Variants in ATP6V0D1 observed in about 807,000 individuals in gnomAD.
ATP6V0D1 encodes V-type proton ATPase subunit d 1.
In ATP6V0D1, 13 loss-of-function variants were observed where a neutral mutation model predicts 39.0. The ratio of observed to expected loss-of-function variants is 0.33; its 90% CI spans 0.22 to 0.53. ATP6V0D1 has a LOEUF of 0.53. ATP6V0D1 is among the 20% of genes least tolerant of loss of function. The pLI is 0.94. For synonymous variants in ATP6V0D1, 191 were observed against 191.2 expected (o/e 1.00, Z 0.01); for missense variants, 272 against 470.9 (o/e 0.58, Z 3.91).
intron 2 of ATP6V0D1, among the ~76,000 whole-genome samples, chr16:67,446,815 G>A (rs890783035): frequency 2.6e-5 from 4 of 152,062 alleles, no homozygotes; most frequent in East Asian, 1.9e-4. Flanking sequence ...CCTTTCGGAC[G>A]GGAAGAGGGA....
At position 67,442,114 on chromosome 16, in the gene ATP6V0D1, A is replaced by T. The variant is rs1035230824; in HGVS notation, c.561+985T>A. ...CTGCACGTGCTGGTCCCTTGCCGAC[A>T]CCACTGCAACCTCCAGGCAGGCCCT... On this transcript the variant is annotated intron_variant, in intron 4 of 7. Coordinates refer to ENST00000290949, the MANE Select transcript of ATP6V0D1 (RefSeq NM_004691.5). Among the ~76,000 whole-genome samples the T allele has an allele frequency of 3.3e-5, 5 of 152,248 alleles. No individual in the cohort carries two copies. In the East Asian group the frequency reaches 7.7e-4, roughly 23 times the overall value.
Position 67,438,652 on chromosome 16 carries a change from T to G in ATP6V0D1, c.932A>C (p.His311Pro), listed in dbSNP as rs1422451913. 6.2e-7 allele frequency: 1 copy of G among 1,614,082 alleles called. No homozygotes were observed. Among genetic ancestry groups the G allele is most frequent in the African/African-American group, 1.3e-5 (1 of 74,918 alleles). Residue 311 changes from histidine to proline, a missense_variant, in exon 8 of 8, where the codon CAC becomes CCC. Physicochemically the swap from His to Pro is moderately conservative, Grantham distance 77. This residue lies in a region of ATP6V0D1 where 35 missense variants were observed against 84.6 expected (regional missense o/e 0.41). Transcript: ENST00000290949. The stretch of plus-strand genomic sequence containing the variant: ...CACGAAGGCATAGAAGACACCAAAG[T>G]GGAACTGGTTCAGGAAGGCCAACTT... ...LNKLAFLNQF[H>P]FGVFYAFVKL...
chr16:67,465,565 G>A (rs1167833225), intron 1 of ATP6V0D1, among the ~76,000 whole-genome samples: 3 of 152,210 alleles, frequency 2.0e-5, no homozygotes, highest in Non-Finnish European at 4.4e-5. Context: ...AAGACCCATG[G>A]GTTCATAGCA....
intron 2 of ATP6V0D1, chr16:67,445,771 C>A (rs1446963710): frequency 8.0e-6 from 3 of 376,956 alleles, no homozygotes; most frequent in African/African-American, 2.1e-5. Context: ...TGCCTCCAAC[C>A]AGCTACAAAG....
chr16:67,472,845 G>A (rs2041384841), intron 1 of ATP6V0D1, among the ~76,000 whole-genome samples: 1 of 152,124 alleles, frequency 6.6e-6, no homozygotes, highest in Non-Finnish European at 1.5e-5. Flanking sequence ...ACTCCAGCCT[G>A]GGCAACAGAG....
At chr16:67,478,269 T>C (rs550492186) in intron 1 of ATP6V0D1, among the ~76,000 whole-genome samples, 4 of 152,200 alleles carry the variant, frequency 2.6e-5, no homozygotes, top group Non-Finnish European at 5.9e-5. Flanking sequence ...CCACACTTTG[T>C]GCACCAAGTG....
chr16:67,450,938 T>C (rs117696061), intron 2 of ATP6V0D1, among the ~76,000 whole-genome samples: 4,448 of 152,236 alleles, frequency 0.029, 82 homozygotes, highest in Middle Eastern at 0.14. Context: ...AGGCATATTA[T>C]TGGCTTCCAC....
intron 1 of ATP6V0D1, among the ~76,000 whole-genome samples, chr16:67,464,861 G>A (rs1249680797): frequency 6.6e-6 from 1 of 152,258 alleles, no homozygotes; most frequent in Non-Finnish European, 1.5e-5. Context: ...ACCAGTCAGG[G>A]CTGCTCCTCC....
At chr16:67,470,177 T>C (rs955932307) in intron 1 of ATP6V0D1, among the ~76,000 whole-genome samples, 8 of 152,150 alleles carry the variant, frequency 5.3e-5, no homozygotes, top group Non-Finnish European at 1.2e-4. Flanking sequence ...GTACATGCTA[T>C]CCCATGTTAA....
chr16:67,461,916 AT>A (rs2041292097), intron 1 of ATP6V0D1, among the ~76,000 whole-genome samples: 1 of 152,164 alleles, frequency 6.6e-6, no homozygotes, highest in African/African-American at 2.4e-5. Context: ...GCAGAGACAC[AT>A]TTAATTACCC....
intron 1 of ATP6V0D1, among the ~76,000 whole-genome samples, chr16:67,476,574 T>C (rs2142336212): frequency 6.6e-6 from 1 of 152,340 alleles, no homozygotes; most frequent in Non-Finnish European, 1.5e-5. Flanking sequence ...ACTTGATTAC[T>C]GGAAGTTTAC....
In ATP6V0D1 at chr16:67,438,559, G is replaced by A; in HGVS notation, c.1025C>T (p.Ala342Val). ...IAECIAQRHR[A>V]KIDNYIPIF ...GATAGGGATGTAGTTGTCGATTTTGGCGCGGTGGCGCTGGGCGATACATTC... is the reference window on the plus strand; with the variant it reads ...GATAGGGATGTAGTTGTCGATTTTGACGCGGTGGCGCTGGGCGATACATTC... Residue 342 changes from alanine to valine, a missense_variant, in exon 8 of 8, where the codon GCC becomes GTC. Around this residue, in one of 4 missense-constraint regions of ATP6V0D1, gnomAD observed 35 missense variants for 84.6 expected, o/e 0.41. Coordinates refer to ENST00000290949, the MANE Select transcript of ATP6V0D1 (RefSeq NM_004691.5). The A allele has an allele frequency of 6.2e-7, 1 of 1,614,242 alleles. No homozygotes were observed. The highest frequency in any genetic ancestry group is 8.5e-7 in the Non-Finnish European group (1 of 1,180,054).
At chr16:67,439,510 A>G in intron 4 of ATP6V0D1, 159 bp from the exon 5 acceptor site, 2 of 662,782 alleles carry the variant, frequency 3.0e-6, no homozygotes, top group East Asian at 5.5e-5. Flanking sequence ...AGCAAAGCCA[A>G]TGAAACACTT....
At chr16:67,468,144 A>G (rs2041344967) in intron 1 of ATP6V0D1, among the ~76,000 whole-genome samples, 1 of 152,172 alleles carries the variant, frequency 6.6e-6, no homozygotes. Context: ...ATAAAAAATT[A>G]GCCAGACATG....
At chr16:67,466,703 G>A (rs11864618) in intron 1 of ATP6V0D1, among the ~76,000 whole-genome samples, 2,534 of 151,928 alleles carry the variant, frequency 0.017, 73 homozygotes, top group African/African-American at 0.056. Context: ...TGGGCGTCGT[G>A]GTGCATGGTT....
At chr16:67,457,658 A>C (rs2041251266) in intron 1 of ATP6V0D1, 2 of 1,288,874 alleles carry the variant, frequency 1.6e-6, no homozygotes, top group East Asian at 1.1e-4. Flanking sequence ...ATTCCTAGAG[A>C]AGCCAGGAAT....
At chr16:67,452,752 C>T (rs150838152) in intron 2 of ATP6V0D1, among the ~76,000 whole-genome samples, 49 of 152,308 alleles carry the variant, frequency 3.2e-4, no homozygotes, top group African/African-American at 1.1e-3. Context: ...TGCAAAGGGA[C>T]CCTCCCTACC....
rs2041240697 is a variant in ATP6V0D1 at position 67,456,681 on chromosome 16, C to G, written c.131-2966G>C. ...TCAGGCCAGGAGACTTCTTCCTTTT[C>G]AGCTATAGCCTGGGCCTAGAGGCCG... On this transcript the variant is annotated intron_variant, in intron 1 of 7. Transcript: ENST00000290949. The surrounding 1 kb of genome is among the most constrained non-coding windows in gnomAD (Gnocchi z 4.1). The G allele has an allele frequency of 6.6e-6, 1 of 152,288 alleles. No individual in the cohort carries two copies. Among genetic ancestry groups the G allele is most frequent in the Non-Finnish European group, 1.5e-5 (1 of 68,058 alleles). The allele number at this position is 152,288 out of a possible 1,614,324, so 9.4% of individuals were successfully genotyped here.
chr16:67,442,451 CTTTTT>C (rs11320628), intron 4 of ATP6V0D1, among the ~76,000 whole-genome samples: 2 of 143,210 alleles, frequency 1.4e-5, no homozygotes, highest in Non-Finnish European at 3.1e-5. Flanking sequence ...TGGTCTCGGG[CTTTTT>C]TTTTTTTTTT....
Sources: allele counts gnomAD v4.1 joint callset (sites outside exome capture counted in the v4.1 genomes callset), GRCh38; gene constraint gnomAD v4.1.1; regional missense constraint gnomAD v4.1.1; non-coding constraint Gnocchi (gnomAD v3.1); transcripts MANE v1.5; gene names NCBI Gene and HGNC (gene_info 2026-07-23, HGNC 2026-07-21).